Variants in SH3D19 observed in about 807,000 individuals in gnomAD.
The protein encoded by SH3D19 is SH3 domain-containing protein 19.
In SH3D19, 58 loss-of-function variants were observed where a neutral mutation model predicts 112.1. That is an observed-to-expected ratio of 0.52 (90% CI 0.42 to 0.64). SH3D19 has a LOEUF of 0.64. SH3D19 is among the 30% of genes least tolerant of loss of function. The pLI, the probability that SH3D19 is intolerant of heterozygous loss-of-function variation, is 0.00. For missense variants in SH3D19, 1,090 were observed against 1,263.4 expected, an observed-to-expected ratio of 0.86 and a Z score of 2.08; for synonymous variants, 391 against 448.5, an observed-to-expected ratio of 0.87 and a Z score of 1.62.
chr4:151,286,193 A>AAC (rs1774755269), intron 1 of SH3D19, among the ~76,000 whole-genome samples: 1 of 149,764 alleles, frequency 6.7e-6, no homozygotes, highest in Non-Finnish European at 1.5e-5. Context: ...AGAAAAAAAA[A>AAC]AAAAAAAAAA....
At chr4:151,230,498 C>A (rs1193238008) in intron 1 of SH3D19, among the ~76,000 whole-genome samples, 2 of 151,976 alleles carry the variant, frequency 1.3e-5, no homozygotes, top group African/African-American at 2.4e-5. Context: ...AAATGAAAGA[C>A]CTGAAATCAT....
intron 7 of SH3D19, chr4:151,166,351 A>C (rs1579911154): frequency 6.6e-6 from 1 of 152,206 alleles, no homozygotes; most frequent in South Asian, 2.1e-4. Flanking sequence ...GTTGTCATTG[A>C]AAGTAATGCG....
chr4:151,255,538 C>G (rs1407255069), intron 1 of SH3D19, among the ~76,000 whole-genome samples: 8 of 151,030 alleles, frequency 5.3e-5, no homozygotes, highest in African/African-American at 1.9e-4. Flanking sequence ...TCCTCACTTT[C>G]CAGACTGGGC....
At chr4:151,317,440 T>G (rs886176699) in intron 1 of SH3D19, among the ~76,000 whole-genome samples, 1 of 152,170 alleles carries the variant, frequency 6.6e-6, no homozygotes, top group Admixed American at 6.5e-5. Flanking sequence ...CACCATTGGA[T>G]GAAAAGCTGA....
intron 1 of SH3D19, among the ~76,000 whole-genome samples, chr4:151,250,526 G>T (rs1170410296): frequency 7.4e-6 from 1 of 135,728 alleles, no homozygotes; most frequent in Non-Finnish European, 1.8e-5. Context: ...GAGAGAGAGA[G>T]AGATCTGGAA....
Position 151,291,376 on chromosome 4 carries a change from G to A in SH3D19, c.112+33865C>T, listed in dbSNP as rs2150019490. The stretch of plus-strand genomic sequence containing the variant: ...TGGACCTAACACTATACACAGAGTA[G>A]GCACTGTAGCTGAAGCTGTTGCTTG... On this transcript the variant is annotated intron_variant, in intron 1 of 19. Transcript: ENST00000604030. 1.9e-6 allele frequency: 3 copies of A among 1,614,018 alleles called. No homozygotes were observed. The African/African-American group carries it at 4.0e-5, about 22-fold the overall frequency.
rs138487019 is a variant in SH3D19 at position 151,174,944 on chromosome 4, C to T, written c.1260G>A (p.Pro420=). ...CAGATTTCTTCAGCAGCAAAGGCCG[C>T]GGGGCAGGAGTTGGCACTTTCTTCC... ...DSGKKVPTPA[P]RPLLLKKSVS... Residue 420 remains proline (P), a synonymous_variant, in exon 7 of 20, where the codon CCG becomes CCA. Transcript: ENST00000604030. The T allele has an allele frequency of 3.6e-5, 58 of 1,613,932 alleles. No homozygotes were observed. The South Asian group carries it at 4.5e-4, about 13-fold the overall frequency.
intron 1 of SH3D19, among the ~76,000 whole-genome samples, chr4:151,307,395 C>A (rs1729027656): frequency 6.6e-6 from 1 of 152,206 alleles, no homozygotes; most frequent in East Asian, 1.9e-4. Flanking sequence ...GGCCAAATAT[C>A]CAAATCTACA....
At chr4:151,154,025 G>C (rs943278793) in intron 9 of SH3D19, among the ~76,000 whole-genome samples, 2 of 151,826 alleles carry the variant, frequency 1.3e-5, no homozygotes, top group East Asian at 3.9e-4. Flanking sequence ...GCAGTGGCGC[G>C]ATCTCGGCTC....
At chr4:151,236,834 CA>C (rs373757807) in intron 1 of SH3D19, among the ~76,000 whole-genome samples, 300 of 152,350 alleles carry the variant, frequency 2.0e-3, no homozygotes, top group African/African-American at 6.9e-3. Flanking sequence ...ATGCACCAAT[CA>C]ACAATCTGTC....
intron 1 of SH3D19, among the ~76,000 whole-genome samples, chr4:151,240,450 G>A (rs1005029533): frequency 3.3e-5 from 5 of 151,224 alleles, no homozygotes; most frequent in African/African-American, 4.9e-5. Flanking sequence ...TCTTCACTAC[G>A]TGTTTCATAA....
chr4:151,170,978 C>T, intron 7 of SH3D19, among the ~76,000 whole-genome samples: 1 of 152,188 alleles, frequency 6.6e-6, no homozygotes, highest in East Asian at 1.9e-4. Flanking sequence ...GCATTTTTCA[C>T]CTAATAATAT....
At chr4:151,141,733 G>A (rs1476325359) in intron 12 of SH3D19, among the ~76,000 whole-genome samples, 1 of 152,152 alleles carries the variant, frequency 6.6e-6, no homozygotes, top group Non-Finnish European at 1.5e-5. Context: ...CATCTGTGGA[G>A]AAAAAGGAAT....
intron 2 of SH3D19, among the ~76,000 whole-genome samples, chr4:151,192,812 T>A (rs1451687219): frequency 6.6e-6 from 1 of 152,210 alleles, no homozygotes; most frequent in Non-Finnish European, 1.5e-5. Flanking sequence ...ATCAAGTAGC[T>A]ATGTATATTT....
intron 9 of SH3D19, among the ~76,000 whole-genome samples, chr4:151,152,899 G>C (rs888524069): frequency 6.7e-6 from 1 of 149,496 alleles, no homozygotes; most frequent in African/African-American, 2.5e-5. Context: ...GTAGTGGCAC[G>C]ATCTTGGCTC....
chr4:151,142,200 G>A (rs548980115), intron 12 of SH3D19, among the ~76,000 whole-genome samples: 4 of 152,276 alleles, frequency 2.6e-5, no homozygotes, highest in African/African-American at 7.2e-5. Flanking sequence ...TACCTTATAT[G>A]CATTAGCTCA....
At position 151,283,231 on chromosome 4, in the gene SH3D19, T is replaced by C. The variant is rs765984559; in HGVS notation, c.112+42010A>G. 1.6e-5 allele frequency: 26 copies of C among 1,613,820 alleles called. No homozygotes were observed. Among genetic ancestry groups the C allele is most frequent in the Admixed American group, 1.0e-4 (6 of 60,022 alleles). On this transcript the variant is annotated intron_variant, in intron 1 of 19. Coordinates refer to ENST00000604030, the MANE Select transcript of SH3D19 (RefSeq NM_001378122.1). ...TTCTTGCCAGCACTGGAGCCAGTCA[T>C]CAAGGAAGACAAGATTTGTGCTGGT...
intron 2 of SH3D19, among the ~76,000 whole-genome samples, chr4:151,195,709 G>A (rs1267736847): frequency 6.6e-6 from 1 of 151,920 alleles, no homozygotes; most frequent in Non-Finnish European, 1.5e-5. Context: ...TGTTGGACAT[G>A]TTGGAATGAT....
chr4:151,264,710 C>T (rs1772639309), intron 1 of SH3D19, among the ~76,000 whole-genome samples: 1 of 152,028 alleles, frequency 6.6e-6, no homozygotes, highest in Non-Finnish European at 1.5e-5. Flanking sequence ...GAGATATTTC[C>T]AAAATGTAAC....
Sources: allele counts gnomAD v4.1 joint callset (sites outside exome capture counted in the v4.1 genomes callset), GRCh38; gene constraint gnomAD v4.1.1; transcripts MANE v1.5; gene names NCBI Gene and HGNC (gene_info 2026-07-23, HGNC 2026-07-21).